GPHN: variants seen among roughly 807,000 people sequenced by gnomAD.
The protein encoded by GPHN is gephyrin.
Under a neutral mutation model 95.5 loss-of-function variants are expected in GPHN, and 17 were observed. That is an observed-to-expected ratio of 0.18 (90% confidence interval 0.12 to 0.27). GPHN has a LOEUF of 0.27. Ranked by LOEUF, GPHN falls within the 10% of genes least tolerant of loss-of-function variation. The probability of loss-of-function intolerance (pLI) is 1.00; values close to 1 mark genes in which losing one functional copy is unlikely to be tolerated. For missense variants in GPHN, 660 were observed against 978.1 expected, an observed-to-expected ratio of 0.67 and a Z score of 4.34; for synonymous variants, 320 against 322.5, an observed-to-expected ratio of 0.99 and a Z score of 0.08.
the GPHN span, among the ~76,000 whole-genome samples, chr14:67,413,432 T>C: frequency 6.6e-6 from 1 of 152,128 alleles, no homozygotes; most frequent in African/African-American, 2.4e-5. Flanking sequence ...TGAAGGGCCC[T>C]GTCAGGACTC....
At chr14:66,598,713 C>T (rs1317773213) in intron 1 of GPHN, among the ~76,000 whole-genome samples, 5 of 151,886 alleles carry the variant, frequency 3.3e-5, no homozygotes, top group Non-Finnish European at 5.9e-5. Flanking sequence ...GGCGTGGTGG[C>T]GCATGCGTGT....
intron 1 of GPHN, among the ~76,000 whole-genome samples, chr14:66,605,783 C>T (rs1474575856): frequency 2.6e-5 from 4 of 152,062 alleles, no homozygotes; most frequent in African/African-American, 7.2e-5. Flanking sequence ...CTGCCCGCCT[C>T]GGCCTCCCAA....
intron 17 of GPHN, among the ~76,000 whole-genome samples, chr14:67,130,013 T>C (rs1427330024): frequency 6.6e-6 from 1 of 152,244 alleles, no homozygotes; most frequent in Non-Finnish European, 1.5e-5. Context: ...ATAAATTCTT[T>C]TTCTTCATTT....
chr14:66,582,037 G>A (rs1048791435), intron 1 of GPHN, among the ~76,000 whole-genome samples: 13 of 151,958 alleles, frequency 8.6e-5, no homozygotes, highest in South Asian at 2.1e-4. Flanking sequence ...TGTAACAGAC[G>A]TATATAGAGC....
intron 1 of GPHN, among the ~76,000 whole-genome samples, chr14:66,623,671 T>C (rs925488210): frequency 2.6e-5 from 4 of 151,136 alleles, no homozygotes; most frequent in Non-Finnish European, 5.9e-5. Flanking sequence ...ATGTGCCACT[T>C]TCTCAGTTTG....
At chr14:66,517,622 C>T (rs2058301949) in intron 1 of GPHN, among the ~76,000 whole-genome samples, 1 of 152,062 alleles carries the variant, frequency 6.6e-6, no homozygotes, top group Non-Finnish European at 1.5e-5. Flanking sequence ...GAATCGAGAA[C>T]CCAGAAATTA....
At chr14:66,666,465 A>G in intron 1 of GPHN, among the ~76,000 whole-genome samples, 1 of 151,996 alleles carries the variant, frequency 6.6e-6, no homozygotes, top group African/African-American at 2.4e-5. Flanking sequence ...CTGGGATGCA[A>G]ACTTGGTTCA....
At chr14:67,401,131 T>C in the GPHN span, among the ~76,000 whole-genome samples, 2 of 152,024 alleles carry the variant, frequency 1.3e-5, no homozygotes, top group African/African-American at 4.8e-5. Flanking sequence ...AAAGAGGGAA[T>C]TAAATTAAAA....
At chr14:67,241,088 A>C in the GPHN span, 1 of 152,184 alleles carries the variant, frequency 6.6e-6, no homozygotes, top group Non-Finnish European at 1.5e-5. Flanking sequence ...CTACCGGGCC[A>C]GCTAGCCCGG....
chr14:66,760,980 C>T (rs751364551), intron 2 of GPHN: 4 of 618,480 alleles, frequency 6.5e-6, no homozygotes, highest in Non-Finnish European at 1.2e-5. Context: ...AATGGTATAG[C>T]AGTTACCAGA....
intron 13 of GPHN, among the ~76,000 whole-genome samples, chr14:67,103,245 C>T (rs1029089644): frequency 6.6e-6 from 1 of 152,092 alleles, no homozygotes; most frequent in Non-Finnish European, 1.5e-5. Context: ...CCAAACCATG[C>T]TATTTCAGTT....
At chr14:67,413,733 T>C in the GPHN span, among the ~76,000 whole-genome samples, 1 of 152,188 alleles carries the variant, frequency 6.6e-6, no homozygotes, top group African/African-American at 2.4e-5. Context: ...CCTTCTGCAC[T>C]AACTGGCCTT....
the GPHN span, chr14:67,576,126 T>A: frequency 1.3e-6 from 1 of 744,946 alleles, no homozygotes; most frequent in Non-Finnish European, 2.2e-6. The surrounding 1 kb of genome is among the most constrained non-coding windows in gnomAD (Gnocchi z 4.0). Context: ...CTTTGGCAAC[T>A]AATATTCTCT....
At chr14:67,370,254 G>T in the GPHN span, among the ~76,000 whole-genome samples, 8 of 152,096 alleles carry the variant, frequency 5.3e-5, no homozygotes, top group African/African-American at 1.9e-4. Context: ...TGGACATGTC[G>T]CAGTGCTGCA....
rs187213428 is a variant in GPHN at position 66,583,199 on chromosome 14, G to A, written c.64+74608G>A. Among the ~76,000 whole-genome samples, 321 of 152,200 alleles carry A rather than the reference G, an allele frequency of 2.1e-3. 1 individual carries two copies. The highest frequency in any genetic ancestry group is 7.3e-3 in the African/African-American group (302 of 41,520). ...AAATGTCTTCTTTTGAGAAGTGTCT[G>A]TTCATATTCTTTGCCCACTTTTTGA... On this transcript the variant is annotated intron_variant, in intron 1 of 22. Transcript: ENST00000478722.
At chr14:66,733,650 C>CTTTATTT (rs1446292353) in intron 2 of GPHN, among the ~76,000 whole-genome samples, 3 of 152,062 alleles carry the variant, frequency 2.0e-5, no homozygotes, top group Admixed American at 1.3e-4. Flanking sequence ...GAACAATTAA[C>CTTTATTT]TTTATTTATC....
chr14:66,893,705 CTTAT>C (rs1240965789), intron 5 of GPHN, among the ~76,000 whole-genome samples: 1 of 152,074 alleles, frequency 6.6e-6, no homozygotes, highest in Non-Finnish European at 1.5e-5. Flanking sequence ...CACAAGCATT[CTTAT>C]ACACCAATAA....
At chr14:67,483,655 A>G in the GPHN span, among the ~76,000 whole-genome samples, 1 of 152,072 alleles carries the variant, frequency 6.6e-6, no homozygotes, top group Admixed American at 6.5e-5. Flanking sequence ...ACAGCAACCA[A>G]CCCTCAGGCC....
chr14:66,703,021 G>A (rs775462082), intron 2 of GPHN, among the ~76,000 whole-genome samples: 2 of 140,922 alleles, frequency 1.4e-5, no homozygotes, highest in Non-Finnish European at 3.0e-5. Context: ...TAGCCGAATC[G>A]ACCAAGTGGA....
Sources: allele counts gnomAD v4.1 joint callset (sites outside exome capture counted in the v4.1 genomes callset), GRCh38; gene constraint gnomAD v4.1.1; non-coding constraint Gnocchi (gnomAD v3.1); transcripts MANE v1.5; gene names NCBI Gene and HGNC (gene_info 2026-07-23, HGNC 2026-07-21).